Variants in PPP2R3A observed in about 807,000 individuals in gnomAD.
PPP2R3A encodes the protein protein phosphatase 2 regulatory subunit B''alpha, also known as serine/threonine-protein phosphatase 2A regulatory subunit B'' subunit alpha.
In PPP2R3A, 80 loss-of-function variants were observed where a neutral mutation model predicts 106.9. That is an observed-to-expected ratio of 0.75 (90% CI 0.62 to 0.90). The LOEUF is 0.90. Among genes scored for constraint, PPP2R3A ranks in the 40% least tolerant of loss-of-function variants. The pLI is 0.00. For missense variants in PPP2R3A, 1,386 were observed against 1,350.4 expected (o/e 1.03, Z -0.41); for synonymous variants, 483 against 468.3 (o/e 1.03, Z -0.41).
rs1935819388 is a variant in PPP2R3A, at chr3:136,055,223, G to T, written c.2469+5862G>T. ...TGTGCAAGATAAAATTAAAAAGCCA[G>T]ACATACTTTCTATCAAGCTGCGTAA... On this transcript the variant is annotated intron_variant, in intron 5 of 13. Coordinates refer to ENST00000264977, the MANE Select transcript of PPP2R3A (RefSeq NM_002718.5). 18 of 775,028 alleles carry T rather than the reference G, an allele frequency of 2.3e-5. 1 individual carries two copies. The South Asian group carries it at 2.7e-4, about 12-fold the overall frequency. The allele number at this position is 775,028 out of a possible 1,614,324, so 48.0% of individuals were successfully genotyped here.
Position 136,090,639 on chromosome 3 carries a change from T to G in PPP2R3A, c.2899T>G (p.Ser967Ala), listed in dbSNP as rs374202487. Residue 967 changes from serine (S) to alanine (A), a missense_variant, in exon 10 of 14, where the codon TCT becomes GCT. By Grantham distance (99) the Ser-to-Ala change is moderately conservative (BLOSUM62 1). Coordinates refer to ENST00000264977, the MANE Select transcript of PPP2R3A (RefSeq NM_002718.5). ...SYADFVWFLI[S>A]EEDKRNPTSI... is the part of the protein sequence containing the mutation. ...TGCAGATTTTGTTTGGTTTTTGATC[T>G]CTGAAGAAGACAAAAGGAATCCTAC... 1.9e-6 allele frequency: 3 copies of G among 1,613,374 alleles called. No individual in the cohort carries two copies. The highest frequency in any genetic ancestry group is 3.3e-5 in the Admixed American group (2 of 59,976).
intron 3 of PPP2R3A, among the ~76,000 whole-genome samples, chr3:136,029,809 G>A (rs1319064881): frequency 6.6e-6 from 1 of 152,134 alleles, no homozygotes; most frequent in Non-Finnish European, 1.5e-5. Context: ...CTATTCATGG[G>A]CACCAAGCCT....
intron 3 of PPP2R3A, among the ~76,000 whole-genome samples, chr3:136,028,896 AG>A (rs2107826118): frequency 6.6e-6 from 1 of 152,274 alleles, no homozygotes; most frequent in Admixed American, 6.5e-5. Context: ...CTTGTTGCCC[AG>A]GCTGGAGTGC....
At chr3:136,011,102 G>A (rs962689291) in intron 2 of PPP2R3A, among the ~76,000 whole-genome samples, 1 of 151,776 alleles carries the variant, frequency 6.6e-6, no homozygotes, top group African/African-American at 2.4e-5. Context: ...CCCCATACCT[G>A]CAGGACTCAC....
At chr3:135,993,910 A>G (rs1933279557) in intron 1 of PPP2R3A, among the ~76,000 whole-genome samples, 2 of 152,208 alleles carry the variant, frequency 1.3e-5, no homozygotes, top group Non-Finnish European at 2.9e-5. Context: ...AATAGAAATC[A>G]GATCAGTGGT....
At chr3:136,138,695 A>ATTTTT (rs747811648) in intron 13 of PPP2R3A, among the ~76,000 whole-genome samples, 2,498 of 50,626 alleles carry the variant, frequency 0.049, 564 homozygotes, top group East Asian at 0.11. Flanking sequence ...GAAATATTGA[A>ATTTTT]TTTTTTTTTT....
intron 1 of PPP2R3A, among the ~76,000 whole-genome samples, chr3:135,994,197 G>A (rs963583631): frequency 6.6e-6 from 1 of 152,214 alleles, no homozygotes; most frequent in Non-Finnish European, 1.5e-5. Flanking sequence ...AGCTAGATGA[G>A]ATTTCTATTT....
intron 3 of PPP2R3A, among the ~76,000 whole-genome samples, chr3:136,039,553 G>A (rs1935191488): frequency 6.6e-6 from 1 of 152,100 alleles, no homozygotes; most frequent in Non-Finnish European, 1.5e-5. Context: ...GCACAACCTA[G>A]ATCCCTTGCA....
At chr3:136,128,059 A>G (rs963782028) in intron 13 of PPP2R3A, among the ~76,000 whole-genome samples, 1 of 152,212 alleles carries the variant, frequency 6.6e-6, no homozygotes, top group Non-Finnish European at 1.5e-5. Context: ...CTGCAAAAAC[A>G]TGCCAAATTT....
chr3:136,080,403 G>C (rs1936746259), intron 7 of PPP2R3A, among the ~76,000 whole-genome samples: 1 of 152,168 alleles, frequency 6.6e-6, no homozygotes, highest in Non-Finnish European at 1.5e-5. Context: ...CAAATAGTAT[G>C]TGCATTTTTA....
At chr3:136,088,019 G>A (rs575363561) in intron 9 of PPP2R3A, 88 bp downstream of exon 9, 4 of 1,177,738 alleles carry the variant, frequency 3.4e-6, no homozygotes, top group Non-Finnish European at 5.0e-6. Flanking sequence ...TGAATAATTT[G>A]GCAGTGCTAT....
At chr3:136,016,079 C>T (rs1046553298) in intron 2 of PPP2R3A, among the ~76,000 whole-genome samples, 5 of 152,164 alleles carry the variant, frequency 3.3e-5, no homozygotes, top group African/African-American at 1.2e-4. Context: ...GTTGACTCAA[C>T]AATCATTCAG....
At chr3:136,040,749 C>A in intron 3 of PPP2R3A, 110 bp from the exon 4 acceptor site, 1 of 785,870 alleles carries the variant, frequency 1.3e-6, no homozygotes, top group Non-Finnish European at 1.9e-6. Flanking sequence ...CTCCTGAGGG[C>A]TCTTCCATCC....
chr3:135,979,635 G>T (rs1332723163), intron 1 of PPP2R3A, among the ~76,000 whole-genome samples: 1 of 151,740 alleles, frequency 6.6e-6, no homozygotes, highest in East Asian at 1.9e-4. Flanking sequence ...TGCTTTGGTT[G>T]TAAAAGTGGG....
At chr3:135,967,142 C>A (rs560095400) in intron 1 of PPP2R3A, among the ~76,000 whole-genome samples, 1 of 152,060 alleles carries the variant, frequency 6.6e-6, no homozygotes, top group Non-Finnish European at 1.5e-5. Flanking sequence ...CCTTTTATCA[C>A]CTCTGGCAGA....
chr3:136,069,348 G>A (rs775609500), intron 5 of PPP2R3A, among the ~76,000 whole-genome samples: 1 of 152,104 alleles, frequency 6.6e-6, no homozygotes, highest in Non-Finnish European at 1.5e-5. Flanking sequence ...AGGCCTAGGG[G>A]AGTGGATCAC....
rs542315264 is a variant in PPP2R3A, at chr3:135,971,466, A to G, written c.-441+5617A>G. On this transcript the variant is annotated intron_variant, in intron 1 of 13. Transcript: ENST00000264977. ...TTTTAAGGTCAATTTTGTGCTTCAT[A>G]TTTCTAAGAGTTGTAGCCTGCCAAC... is the stretch of plus-strand genomic sequence containing the variant. Among the ~76,000 whole-genome samples the G allele has an allele frequency of 2.6e-5, 4 of 152,294 alleles. No individual in the cohort carries two copies. The East Asian group carries it at 7.7e-4, about 29-fold the overall frequency.
chr3:136,134,058 T>C (rs1027480945), intron 13 of PPP2R3A, among the ~76,000 whole-genome samples: 3 of 152,180 alleles, frequency 2.0e-5, no homozygotes, highest in Admixed American at 6.5e-5. Context: ...GTTTTAAGGA[T>C]AATATTCAAT....
intron 1 of PPP2R3A, among the ~76,000 whole-genome samples, chr3:135,997,639 C>CT (rs1489746276): frequency 5.3e-5 from 8 of 152,166 alleles, no homozygotes; most frequent in Non-Finnish European, 1.0e-4. Context: ...CAGAAAATAA[C>CT]TTTATCTGTC....
Sources: allele counts gnomAD v4.1 joint callset (sites outside exome capture counted in the v4.1 genomes callset), GRCh38; gene constraint gnomAD v4.1.1; transcripts MANE v1.5; gene names NCBI Gene and HGNC (gene_info 2026-07-23, HGNC 2026-07-21).